Variants in SEC31B observed in about 807,000 individuals in gnomAD.
SEC31B encodes SEC31 homolog B, COPII component.
In SEC31B, 113 loss-of-function variants were observed where a neutral mutation model predicts 135.0. That is an observed-to-expected ratio of 0.84 (90% CI 0.72 to 0.98). The LOEUF (loss-of-function observed/expected upper bound fraction) is 0.98. Among genes scored for constraint, SEC31B ranks in the 50% least tolerant of loss-of-function variants. SEC31B has a pLI of 0.00. For missense variants in SEC31B, 1,296 were observed against 1,421.1 expected (o/e 0.91, Z 1.42); for synonymous variants, 508 against 549.4 (o/e 0.92, Z 1.05).
rs570987227 is a variant in SEC31B at position 100,496,190 on chromosome 10, T to C, written c.2310+68A>G. 130 of 1,539,068 alleles carry C rather than the reference T, an allele frequency of 8.4e-5. 1 individual carries two copies. The South Asian group carries it at 1.4e-3, about 17-fold the overall frequency. On this transcript the variant is annotated intron_variant, in intron 18 of 25. Transcript: ENST00000370345. ...CAGCATTAGCATAGTGCCTGGAATA[T>C]GGAAGTGCTCAATCAATGTTAGATG... is the stretch of plus-strand genomic sequence containing the variant.
In SEC31B at chr10:100,494,293, A is replaced by G. The variant is rs17113148; in HGVS notation, c.2472+1092T>C. Among the ~76,000 whole-genome samples, 1,044 of 152,300 alleles carry G rather than the reference A, an allele frequency of 6.9e-3. 11 individuals carry two copies. The highest frequency in any genetic ancestry group is 0.023 in the African/African-American group (960 of 41,554). Reference sequence around the variant, plus strand: ...CAGTTCTATCTACTAAGTACTAAGTATTTCAAATCCAACCTCACTGGCTAG... The same window carrying G: ...CAGTTCTATCTACTAAGTACTAAGTGTTTCAAATCCAACCTCACTGGCTAG... On this transcript the variant is annotated intron_variant, in intron 19 of 25. Transcript: ENST00000370345.
Position 100,516,165 on chromosome 10 carries a change from A to G in SEC31B, c.134T>C (p.Ile45Thr). 6.2e-7 allele frequency: 1 copy of G among 1,613,872 alleles called. No individual in the cohort carries two copies. The highest frequency in any genetic ancestry group is 8.5e-7 in the Non-Finnish European group (1 of 1,179,944). The change falls in exon 3 of 26, where the codon ATA (isoleucine) becomes ACA (threonine). Residue 45 changes from isoleucine to threonine, a missense_variant. Physicochemically the swap from Ile to Thr is moderately conservative, Grantham distance 89. Coordinates refer to ENST00000370345, the MANE Select transcript of SEC31B (RefSeq NM_015490.4). ...SSFSTNGTLEIFEVDFRDPSL... is the reference protein window; with the variant it reads ...SSFSTNGTLETFEVDFRDPSL... ...AGGGTCCCTGAAATCAACCTCAAAT[A>G]TTTCCAATGTGCCATTTGTGCTGAA... is the stretch of plus-strand genomic sequence containing the variant.
At chr10:100,499,676 T>C in intron 11 of SEC31B, 78 bp from the exon 12 acceptor site, 2 of 1,025,586 alleles carry the variant, frequency 2.0e-6, no homozygotes, top group Non-Finnish European at 3.0e-6. Context: ...GCTGGGTATC[T>C]GTGCCAGTAT....
chr10:100,498,083 C>T lies in SEC31B; in HGVS notation c.1809G>A (p.Leu603=). The T allele has an allele frequency of 1.9e-6, 3 of 1,614,192 alleles. No homozygotes were observed. The highest frequency in any genetic ancestry group is 2.5e-6 in the Non-Finnish European group (3 of 1,180,028). The part of the protein sequence containing the change: ...IILAQAGGTD[L]LKQTQERYLA... ...AGTAGCGCTCCTGTGTTTGCTTCAG[C>T]AGATCTGTACCCCCAGCCTGGGCCA... The change falls in exon 15 of 26, where the codon CTG becomes CTA. Residue 603 remains leucine, a synonymous_variant. Transcript: ENST00000370345.
Position 100,507,456 on chromosome 10 carries a change from A to T in SEC31B, c.751T>A (p.Ser251Thr). The change falls in exon 7 of 26, where the codon TCG (serine) becomes ACG (threonine). Residue 251 changes from serine to threonine, a missense_variant. Ser to Thr is a moderately conservative substitution (Grantham distance 58). Coordinates refer to ENST00000370345, the MANE Select transcript of SEC31B (RefSeq NM_015490.4). ...TGGCTCTCCAGCACCTTCAAGGGCG[A>T]GGAGGCAAAGCGCAAGTCCCACAGC... is the stretch of plus-strand genomic sequence containing the variant. ...IQLWDLRFAS[S>T]PLKVLESHSR... 2 of 1,614,234 alleles carry T rather than the reference A, an allele frequency of 1.2e-6. No individual in the cohort carries two copies. The highest frequency in any genetic ancestry group is 1.7e-6 in the Non-Finnish European group (2 of 1,180,040).
At position 100,499,156 on chromosome 10, in the gene SEC31B, A is replaced by G; in HGVS notation, c.1584+4T>C. The G allele has an allele frequency of 6.2e-7, 1 of 1,613,432 alleles. No individual in the cohort carries two copies. Among genetic ancestry groups the G allele is most frequent in the Non-Finnish European group, 8.5e-7 (1 of 1,179,476 alleles). On this transcript the variant is annotated splice_donor_region_variant and intron_variant, in intron 13 of 25. Transcript: ENST00000370345. ...AGGTCAGGCTGACTGGACTCCTACCACACCTGGCTGCAGAAGGCCTGTTGT... is the reference window on the plus strand; with the variant it reads ...AGGTCAGGCTGACTGGACTCCTACCGCACCTGGCTGCAGAAGGCCTGTTGT...
In SEC31B at chr10:100,489,311, G is replaced by A. The variant is rs762861563; in HGVS notation, c.3112C>T (p.Pro1038Ser). Residue 1038 changes from proline to serine, a missense_variant, in exon 23 of 26, where the codon CCC becomes TCC. Transcript: ENST00000370345. The part of the protein sequence containing the change: ...PELQGILPSQ[P>S]PVSSVSHAPP... ...GCATGACTCACACTGGAGACAGGGGGCTGTGAGGGAAGAATCCCTTGTAGC... is the reference window on the plus strand; with the variant it reads ...GCATGACTCACACTGGAGACAGGGGACTGTGAGGGAAGAATCCCTTGTAGC... 1 of 1,613,794 alleles carries A rather than the reference G, an allele frequency of 6.2e-7. No individual in the cohort carries two copies. Among genetic ancestry groups the A allele is most frequent in the East Asian group, 2.2e-5 (1 of 44,890 alleles).
chr10:100,490,621 G>C (rs936488834), intron 20 of SEC31B, 85 bp downstream of exon 20: 2 of 1,338,746 alleles, frequency 1.5e-6, no homozygotes, highest in African/African-American at 1.5e-5. Context: ...CAGACATACA[G>C]CTTCCCAAAT....
chr10:100,497,353 G>A, intron 16 of SEC31B, 73 bp from the exon 17 acceptor site: 2 of 1,586,276 alleles, frequency 1.3e-6, no homozygotes, highest in Non-Finnish European at 1.7e-6. Context: ...TTGGAAACAG[G>A]GAGAGGACCA....
At chr10:100,505,681 C>T in intron 9 of SEC31B, 186 bp from the exon 10 acceptor site, 1 of 1,412,412 alleles carries the variant, frequency 7.1e-7, no homozygotes, top group Non-Finnish European at 9.2e-7. Flanking sequence ...CAAGTAGGCT[C>T]TTGGAAAGAC....
At position 100,489,299 on chromosome 10, in the gene SEC31B, T is replaced by G. The variant is rs1425683469; in HGVS notation, c.3124A>C (p.Ser1042Arg). 6.2e-7 allele frequency: 1 copy of G among 1,613,122 alleles called. No homozygotes were observed. The highest frequency in any genetic ancestry group is 1.3e-5 in the African/African-American group (1 of 74,864). The change falls in exon 23 of 26, where the codon AGT (serine) becomes CGT (arginine). Residue 1042 changes from serine (S) to arginine (R), a missense_variant. Coordinates refer to ENST00000370345, the MANE Select transcript of SEC31B (RefSeq NM_015490.4). ...ACTCCTGGGGGAGCATGACTCACACTGGAGACAGGGGGCTGTGAGGGAAGA... is the reference window on the plus strand; with the variant it reads ...ACTCCTGGGGGAGCATGACTCACACGGGAGACAGGGGGCTGTGAGGGAAGA... ...GILPSQPPVSSVSHAPPGVPG... is the reference protein window; with the variant it reads ...GILPSQPPVSRVSHAPPGVPG...
chr10:100,518,554 G>C (rs1480158424), intron 1 of SEC31B, among the ~76,000 whole-genome samples: 3 of 152,180 alleles, frequency 2.0e-5, no homozygotes, highest in African/African-American at 4.8e-5. Context: ...GTTTCCAAAC[G>C]AATGTCTGGC....
Position 100,489,368 on chromosome 10 carries a change from T to C in SEC31B, c.3055A>G (p.Ile1019Val), listed in dbSNP as rs570722311. 1.2e-6 allele frequency: 2 copies of C among 1,613,768 alleles called. No individual in the cohort carries two copies. The highest frequency in any genetic ancestry group is 1.7e-6 in the Non-Finnish European group (2 of 1,179,912). ...LPETFMPPAP[I>V]TAPVMSLTPE... ...GTGAGGCTCATAACTGGAGCAGTAATTGGTGCTGGGGGCATAAATGTCTCT... is the reference window on the plus strand; with the variant it reads ...GTGAGGCTCATAACTGGAGCAGTAACTGGTGCTGGGGGCATAAATGTCTCT... The change falls in exon 23 of 26, where the codon ATT (isoleucine) becomes GTT (valine). Residue 1019 changes from isoleucine to valine, a missense_variant. Transcript: ENST00000370345.
In SEC31B at chr10:100,513,170, C is replaced by A. The variant is rs7908360; in HGVS notation, c.203+2926G>T. Among the ~76,000 whole-genome samples, 354 of 152,338 alleles carry A rather than the reference C, an allele frequency of 2.3e-3. 4 individuals carry two copies. Among genetic ancestry groups the A allele is most frequent in the African/African-American group, 8.2e-3 (343 of 41,576 alleles). On this transcript the variant is annotated intron_variant, in intron 3 of 25. Coordinates refer to ENST00000370345, the MANE Select transcript of SEC31B (RefSeq NM_015490.4). Reference sequence around the variant, plus strand: ...GATGATTTCTTCAGAAAGGCCCCAACAGGGCTGTGTCAAAGGTAATCCCTT... The same window carrying A: ...GATGATTTCTTCAGAAAGGCCCCAAAAGGGCTGTGTCAAAGGTAATCCCTT...
Position 100,495,506 on chromosome 10 carries a change from T to G in SEC31B, c.2351A>C (p.Gln784Pro), listed in dbSNP as rs1242731016. ...QQLRDRLFHA[Q>P]GSAVLGQQSP... Reference sequence around the variant, plus strand: ...CTGTTGGCCCAAGACAGCAGAACCTTGAGCATGAAAAAGCCGATCTCTTAG... The same window carrying G: ...CTGTTGGCCCAAGACAGCAGAACCTGGAGCATGAAAAAGCCGATCTCTTAG... Residue 784 changes from glutamine to proline, a missense_variant, in exon 19 of 26, where the codon CAA (glutamine) becomes CCA (proline). Gln to Pro is a moderately conservative substitution (Grantham distance 76, BLOSUM62 -1). Transcript: ENST00000370345. 1.9e-6 allele frequency: 3 copies of G among 1,614,014 alleles called. No homozygotes were observed. Among genetic ancestry groups the G allele is most frequent in the East Asian group, 2.2e-5 (1 of 44,878 alleles).
At chr10:100,494,825 A>ATTTTTT (rs200276653) in intron 19 of SEC31B, 1 of 127,150 alleles carries the variant, frequency 7.9e-6, no homozygotes, top group Non-Finnish European at 1.6e-5. Context: ...TACTGTAGCT[A>ATTTTTT]TTTTTTTTTT....
intron 3 of SEC31B, among the ~76,000 whole-genome samples, chr10:100,511,052 G>A (rs1851727501): frequency 1.3e-5 from 2 of 152,150 alleles, no homozygotes; most frequent in South Asian, 2.1e-4. Context: ...CAGCATGGTC[G>A]GAACACATGA....
intron 14 of SEC31B, 32 bp downstream of exon 14, chr10:100,498,673 G>T: frequency 6.5e-7 from 1 of 1,527,878 alleles, no homozygotes; most frequent in South Asian, 1.1e-5. Flanking sequence ...GTCCTAAGCA[G>T]AGACTCTCCC....
chr10:100,490,481 T>G lies in SEC31B; in HGVS notation c.2651-159A>C, dbSNP rs1851281810. ...TACAAAATACTTTTAACTATATTCC[T>G]TATTTGACCTTCAAAACAATCCCAT... On this transcript the variant is annotated intron_variant, in intron 20 of 25. Coordinates refer to ENST00000370345, the MANE Select transcript of SEC31B (RefSeq NM_015490.4). 3 of 935,152 alleles carry G rather than the reference T, an allele frequency of 3.2e-6. No homozygotes were observed. In the South Asian group the frequency reaches 5.6e-5, roughly 17 times the overall value. The allele number at this position is 935,152 out of a possible 1,614,324, so 57.9% of individuals were successfully genotyped here. A position where few individuals can be genotyped will look rare whatever the true frequency, so the allele number is the denominator to read the frequency against.
Sources: gnomAD v4.1 joint callset for allele counts (sites outside exome capture counted in the v4.1 genomes callset) on GRCh38, gnomAD v4.1.1 for gene constraint, MANE v1.5 for transcripts, NCBI Gene and HGNC (gene_info 2026-07-23, HGNC 2026-07-21) for gene names.